DNAI1: variants seen among roughly 807,000 people sequenced by gnomAD.
DNAI1 encodes dynein, axonemal, intermediate polypeptide 1.
Under a neutral mutation model 92.0 loss-of-function variants are expected in DNAI1, and 67 were observed. That is an observed-to-expected ratio of 0.73 (90% CI 0.60 to 0.89). The LOEUF is 0.89. DNAI1 is among the 40% of genes least tolerant of loss of function. The pLI is 0.00. For missense variants in DNAI1, 839 were observed against 866.6 expected, an observed-to-expected ratio of 0.97 and a Z score of 0.40; for synonymous variants, 323 against 319.6, an observed-to-expected ratio of 1.01 and a Z score of -0.11.
At position 34,514,801 on chromosome 9, in the gene DNAI1, G is replaced by A. The variant is rs988975800; in HGVS notation, c.1818+62G>A. 45 of 1,552,738 alleles carry A rather than the reference G, an allele frequency of 2.9e-5. 1 individual carries two copies. The highest frequency in any genetic ancestry group is 6.7e-5 in the South Asian group (6 of 89,774). On this transcript the variant is annotated intron_variant, in intron 18 of 19. Transcript: ENST00000242317. ...TGGAGATCAGGTGTGTTATCTCAGG[G>A]GCTTCCTGATGGAGAACCCATCCCA... is the stretch of plus-strand genomic sequence containing the variant.
At chr9:34,496,209 G>A (rs921769492) in intron 9 of DNAI1, among the ~76,000 whole-genome samples, 11 of 152,306 alleles carry the variant, frequency 7.2e-5, no homozygotes, top group Middle Eastern at 3.4e-3. Flanking sequence ...TCTAATTTTG[G>A]TGGGATGGGA....
At chr9:34,516,722 A>G (rs1386626370) in intron 18 of DNAI1, among the ~76,000 whole-genome samples, 3 of 147,888 alleles carry the variant, frequency 2.0e-5, no homozygotes, top group Admixed American at 2.0e-4. Context: ...AACAAATGGT[A>G]GCTGCTATTT....
intron 9 of DNAI1, among the ~76,000 whole-genome samples, chr9:34,495,519 G>A (rs1054049375): frequency 3.3e-5 from 5 of 152,196 alleles, no homozygotes; most frequent in African/African-American, 4.8e-5. Context: ...ATACGGTGCA[G>A]CCCCTAACAT....
At chr9:34,492,307 A>G (rs942624574) in intron 8 of DNAI1, among the ~76,000 whole-genome samples, 1 of 151,742 alleles carries the variant, frequency 6.6e-6, no homozygotes, top group Non-Finnish European at 1.5e-5. Context: ...GCATTTGCCC[A>G]GCCCCAGATC....
intron 1 of DNAI1, among the ~76,000 whole-genome samples, chr9:34,464,387 C>T (rs1288456013): frequency 6.6e-6 from 1 of 152,054 alleles, no homozygotes; most frequent in African/African-American, 2.4e-5. Context: ...TAATTTGTAC[C>T]ACTCTTCTCC....
chr9:34,483,363 G>A, intron 1 of DNAI1, 85 bp from the exon 2 acceptor site: 1 of 1,368,152 alleles, frequency 7.3e-7, no homozygotes, highest in Non-Finnish European at 1.0e-6. Context: ...AGATCCCTGG[G>A]CAGGAGCCTC....
intron 1 of DNAI1, among the ~76,000 whole-genome samples, chr9:34,476,379 ACTT>A (rs1824237056): frequency 1.3e-5 from 2 of 152,102 alleles, no homozygotes; most frequent in African/African-American, 4.8e-5. Context: ...GGCTTTCCAG[ACTT>A]CTTTGGGACT....
intron 1 of DNAI1, among the ~76,000 whole-genome samples, chr9:34,466,647 G>T (rs967910964): frequency 1.1e-4 from 17 of 152,182 alleles, no homozygotes; most frequent in African/African-American, 3.9e-4. Flanking sequence ...TATATGTGGG[G>T]AGTTACAGAT....
At chr9:34,501,287 C>A in intron 12 of DNAI1, 106 bp downstream of exon 12, 1 of 961,154 alleles carries the variant, frequency 1.0e-6, no homozygotes, top group Non-Finnish European at 1.7e-6. Flanking sequence ...AAGATGACTG[C>A]CCGCAGGGGG....
At chr9:34,473,903 T>C (rs935597294) in intron 1 of DNAI1, among the ~76,000 whole-genome samples, 1 of 151,990 alleles carries the variant, frequency 6.6e-6, no homozygotes, top group Non-Finnish European at 1.5e-5. Context: ...TTTTAAAAAT[T>C]TTTGTAGGGA....
At chr9:34,475,935 G>C (rs1824228083) in intron 1 of DNAI1, among the ~76,000 whole-genome samples, 1 of 152,148 alleles carries the variant, frequency 6.6e-6, no homozygotes, top group Non-Finnish European at 1.5e-5. Context: ...ACATTGTTCA[G>C]TGGGGTCATG....
Position 34,492,523 on chromosome 9 carries a change from T to G in DNAI1, c.682-671T>G, listed in dbSNP as rs1177765944. 1.6e-3 allele frequency among the ~76,000 whole-genome samples: 188 copies of G among 118,860 alleles called. 7 individuals carry two copies. Among genetic ancestry groups the G allele is most frequent in the Middle Eastern group, 4.2e-3 (1 of 240 alleles). The allele number at this position is 118,860 out of a possible 152,430, so 78.0% of individuals were successfully genotyped here. A position where few individuals can be genotyped will look rare whatever the true frequency, so the allele number is the denominator to read the frequency against. The stretch of plus-strand genomic sequence containing the variant: ...ATATATATATATATATATATATATA[T>G]ATATATATATATTTGAGACAAGGCC... On this transcript the variant is annotated intron_variant, in intron 8 of 19. Coordinates refer to ENST00000242317, the MANE Select transcript of DNAI1 (RefSeq NM_012144.4).
chr9:34,464,455 C>T (rs999814029), intron 1 of DNAI1, among the ~76,000 whole-genome samples: 3 of 152,128 alleles, frequency 2.0e-5, no homozygotes, highest in Non-Finnish European at 1.5e-5. Context: ...TTTTCACACC[C>T]TCCCTCACAC....
intron 2 of DNAI1, 69 bp from the exon 3 acceptor site, chr9:34,485,073 A>C: frequency 6.6e-7 from 1 of 1,509,162 alleles, no homozygotes; most frequent in Non-Finnish European, 9.2e-7. Context: ...TTTGTGAATG[A>C]AGGGGCTTTC....
chr9:34,485,628 CT>C (rs1213008800), intron 4 of DNAI1, 111 bp downstream of exon 4: 1 of 1,036,480 alleles, frequency 9.6e-7, no homozygotes, highest in African/African-American at 1.6e-5. Context: ...CACTTTTAAA[CT>C]GAGGTCCTTG....
intron 8 of DNAI1, among the ~76,000 whole-genome samples, chr9:34,492,560 C>T (rs1824631710): frequency 7.3e-6 from 1 of 136,960 alleles, no homozygotes; most frequent in African/African-American, 2.8e-5. Flanking sequence ...TGCTCTGTCA[C>T]CCAGGCTGGA....
chr9:34,517,161 C>A, intron 18 of DNAI1, 124 bp from the exon 19 acceptor site: 1 of 1,014,380 alleles, frequency 9.9e-7, no homozygotes, highest in Non-Finnish European at 1.5e-6. Flanking sequence ...CCTCCACCTC[C>A]AGCTCCAGTG....
chr9:34,512,533 G>C (rs1825087026), intron 15 of DNAI1, 109 bp downstream of exon 15: 1 of 1,086,588 alleles, frequency 9.2e-7, no homozygotes, highest in African/African-American at 1.6e-5. Flanking sequence ...CCCAACCTGT[G>C]CCAGGGCCTG....
chr9:34,468,295 C>A (rs2132042307), intron 1 of DNAI1, among the ~76,000 whole-genome samples: 1 of 151,996 alleles, frequency 6.6e-6, no homozygotes, highest in South Asian at 2.1e-4. Context: ...CATTCTCCTG[C>A]CTCAGCCTCC....
Sources: gnomAD v4.1 joint callset for allele counts (sites outside exome capture counted in the v4.1 genomes callset) on GRCh38, gnomAD v4.1.1 for gene constraint, MANE v1.5 for transcripts, NCBI Gene and HGNC (gene_info 2026-07-23, HGNC 2026-07-21) for gene names.